NAALAD2: variants seen among roughly 807,000 people sequenced by gnomAD.
The protein encoded by NAALAD2 is N-acetylated-alpha-linked acidic dipeptidase 2.
In NAALAD2, 89 loss-of-function variants were observed where a neutral mutation model predicts 95.6. The ratio of observed to expected loss-of-function variants is 0.93; its 90% CI spans 0.78 to 1.11. The LOEUF (loss-of-function observed/expected upper bound fraction) is 1.11. Among genes scored for constraint, NAALAD2 ranks in the 50% least tolerant of loss-of-function variants. NAALAD2 has a pLI of 0.00. For missense variants in NAALAD2, 894 were observed against 872.4 expected, an observed-to-expected ratio of 1.02 and a Z score of -0.31; for synonymous variants, 264 against 294.4, an observed-to-expected ratio of 0.90 and a Z score of 1.06.
chr11:90,139,032 A>T (rs987372367), intron 2 of NAALAD2, among the ~76,000 whole-genome samples: 6 of 151,898 alleles, frequency 4.0e-5, no homozygotes, highest in Non-Finnish European at 8.8e-5. Context: ...TGACCCCTTG[A>T]TCTAGGGGGC....
rs576826515 is a variant in NAALAD2 at position 90,152,802 on chromosome 11, C to T, written c.796+318C>T. Among the ~76,000 whole-genome samples, 100 of 151,908 alleles carry T rather than the reference C, an allele frequency of 6.6e-4. 1 individual carries two copies. The highest frequency in any genetic ancestry group is 2.4e-3 in the African/African-American group (98 of 41,424). On this transcript the variant is annotated intron_variant, in intron 6 of 18. Transcript: ENST00000534061. Reference sequence around the variant, plus strand: ...ATGACAATTTAGGTTTGCTGAATTACCGATAGATTGTATTTTTAAAAATAC... The same window carrying T: ...ATGACAATTTAGGTTTGCTGAATTATCGATAGATTGTATTTTTAAAAATAC...
intron 16 of NAALAD2, among the ~76,000 whole-genome samples, 194 bp from the exon 17 acceptor site, chr11:90,181,426 T>A (rs1230425308): frequency 6.6e-6 from 1 of 152,094 alleles, no homozygotes; most frequent in Non-Finnish European, 1.5e-5. Context: ...TAAGAAACAA[T>A]GTTACCATTT....
intron 2 of NAALAD2, 133 bp downstream of exon 2, chr11:90,135,803 T>C (rs947695063): frequency 3.6e-5 from 24 of 660,160 alleles, no homozygotes; most frequent in Non-Finnish European, 5.0e-5. Flanking sequence ...CAACTTTTTT[T>C]TTTTTTTTAA....
chr11:90,191,598 GGA>G lies in NAALAD2; in HGVS notation c.2077_2078del (p.Glu693IlefsTer7), dbSNP rs1190656875. On this transcript the variant is annotated frameshift_variant, in exon 19 of 19. Transcript: ENST00000534061. LOFTEE classifies it high-confidence loss of function. ...TCCAAGTAGCCACAACAAATATGCT[GGA>G]GAATCATTTCCTGGAATCTATGATG... ...FAPSSHNKYA[G>X]ESFPGIYDAI... is the part of the protein sequence containing the mutation. The G allele has an allele frequency of 1.3e-6, 2 of 1,599,934 alleles. No individual in the cohort carries two copies. Among genetic ancestry groups the G allele is most frequent in the Non-Finnish European group, 1.7e-6 (2 of 1,173,420 alleles).
chr11:90,173,116 G>C (rs2134958355), intron 13 of NAALAD2, among the ~76,000 whole-genome samples: 1 of 152,214 alleles, frequency 6.6e-6, no homozygotes, highest in South Asian at 2.1e-4. Flanking sequence ...TCTTCTTAGA[G>C]TGTCAAAAGA....
intron 11 of NAALAD2, among the ~76,000 whole-genome samples, chr11:90,168,223 C>G (rs1374769747): frequency 2.6e-5 from 4 of 152,152 alleles, no homozygotes; most frequent in Admixed American, 6.5e-5. Context: ...CACAAACCCA[C>G]CAGAAGGAAG....
chr11:90,158,319 C>G (rs757346556), intron 7 of NAALAD2, 81 bp downstream of exon 7: 1 of 990,082 alleles, frequency 1.0e-6, no homozygotes, highest in Non-Finnish European at 1.6e-6. Context: ...ATATGGCATT[C>G]TTATGTTAAA....
chr11:90,157,582 T>C (rs1952152954), intron 6 of NAALAD2, among the ~76,000 whole-genome samples: 2 of 152,164 alleles, frequency 1.3e-5, no homozygotes, highest in South Asian at 4.1e-4. Flanking sequence ...GGAAATAAAA[T>C]ATTCTTGTAA....
intron 9 of NAALAD2, 104 bp from the exon 10 acceptor site, chr11:90,163,206 T>C (rs1011569620): frequency 2.2e-6 from 3 of 1,337,598 alleles, no homozygotes; most frequent in African/African-American, 3.0e-5. Flanking sequence ...TGTTGTCTTC[T>C]ATAGAGGAAA....
intron 11 of NAALAD2, among the ~76,000 whole-genome samples, chr11:90,165,000 G>C (rs1235644611): frequency 6.6e-6 from 1 of 152,092 alleles, no homozygotes; most frequent in Admixed American, 6.5e-5. Context: ...AGTCCCCAGT[G>C]TGTTGTTCCC....
chr11:90,135,256 C>G (rs926407538), intron 1 of NAALAD2: 1 of 314,120 alleles, frequency 3.2e-6, no homozygotes, highest in Non-Finnish European at 5.8e-6. Context: ...GGAATGTTCC[C>G]TATGTGTCAG....
In NAALAD2 at chr11:90,135,501, A is replaced by G. The variant is rs1951431723; in HGVS notation, c.83-58A>G. On this transcript the variant is annotated intron_variant, in intron 1 of 18. Coordinates refer to ENST00000534061, the MANE Select transcript of NAALAD2 (RefSeq NM_005467.4). ...GACAGAGGGGTGGCTTCTAGTTTTA[A>G]TAAAGTCAAAGTGATTTTGTGTGTA... is the stretch of plus-strand genomic sequence containing the variant. The G allele has an allele frequency of 4.8e-6, 6 of 1,257,564 alleles. No homozygotes were observed. The East Asian group carries it at 1.4e-4, about 30-fold the overall frequency. 77.9% of individuals were successfully genotyped at this position (1,257,564 alleles called of 1,614,324 possible).
At chr11:90,180,483 G>C (rs1238431872) in intron 16 of NAALAD2, among the ~76,000 whole-genome samples, 1 of 151,998 alleles carries the variant, frequency 6.6e-6, no homozygotes. Flanking sequence ...CCACTTACTA[G>C]CTAAAGCATT....
chr11:90,155,917 T>TATATTATATATTATATA, intron 6 of NAALAD2, among the ~76,000 whole-genome samples: 2 of 144,616 alleles, frequency 1.4e-5, no homozygotes, highest in African/African-American at 5.1e-5. Context: ...ATATGTAATA[T>TATATTATATATTATATA]ATATGTAATG....
upstream of NAALAD2, among the ~76,000 whole-genome samples, chr11:90,133,905 C>T (rs1245429448): frequency 6.6e-6 from 1 of 151,942 alleles, no homozygotes; most frequent in Non-Finnish European, 1.5e-5. Context: ...TAGAGAACAG[C>T]TTTATTCTGT....
In NAALAD2 at chr11:90,173,931, G is replaced by T. The variant is rs1565540878; in HGVS notation, c.1502+16G>T. 1 of 1,506,724 alleles carries T rather than the reference G, an allele frequency of 6.6e-7. No individual in the cohort carries two copies. The allele number at this position is 1,506,724 out of a possible 1,614,324, so 93.3% of individuals were successfully genotyped here. ...ATTTGCCTAGGTAAGTTACTGATAT[G>T]CACCTTTTCTACTGTAGGATAAGTT... is the stretch of plus-strand genomic sequence containing the variant. On this transcript the variant is annotated intron_variant, in intron 14 of 18. Transcript: ENST00000534061.
chr11:90,160,442 G>A (rs1227843463), intron 8 of NAALAD2, among the ~76,000 whole-genome samples: 1 of 152,046 alleles, frequency 6.6e-6, no homozygotes, highest in Non-Finnish European at 1.5e-5. Flanking sequence ...CCTTAACTAC[G>A]TGAATTTGGA....
chr11:90,157,882 A>G (rs994450336), intron 6 of NAALAD2, among the ~76,000 whole-genome samples: 8 of 151,934 alleles, frequency 5.3e-5, no homozygotes, highest in African/African-American at 1.9e-4. Context: ...CACCACGTCC[A>G]GCTAATTTTT....
At chr11:90,135,045 A>G in intron 1 of NAALAD2, 1 of 554,568 alleles carries the variant, frequency 1.8e-6, no homozygotes. Context: ...GTGTGCTTGA[A>G]ATTCAAATTT....
Sources: gnomAD v4.1 joint callset for allele counts (sites outside exome capture counted in the v4.1 genomes callset) on GRCh38, gnomAD v4.1.1 for gene constraint, MANE v1.5 for transcripts, NCBI Gene and HGNC (gene_info 2026-07-23, HGNC 2026-07-21) for gene names.